ESRRB: variants seen among roughly 807,000 people sequenced by gnomAD.
ESRRB encodes the protein steroid hormone receptor ERR2.
A neutral mutation model predicts 46.0 loss-of-function variants in ESRRB; 16 were observed. The observed-to-expected ratio is 0.35, with a 90% CI of 0.24 to 0.53. The LOEUF is 0.53. Ranked by LOEUF, ESRRB falls within the 20% of genes least tolerant of loss-of-function variation. The pLI, the probability that ESRRB is intolerant of heterozygous loss-of-function variation, is 0.93. For missense variants in ESRRB, 488 were observed against 607.4 expected (o/e 0.80, Z 2.07); for synonymous variants, 246 against 259.6 (o/e 0.95, Z 0.50).
At chr14:76,466,625 T>C (rs1889121790) in intron 3 of ESRRB, among the ~76,000 whole-genome samples, 1 of 152,136 alleles carries the variant, frequency 6.6e-6, no homozygotes, top group African/African-American at 2.4e-5. Context: ...GAAAAGGTAA[T>C]TTTTCTCTTT....
chr14:76,358,326 AGAAAGAAAGAAAGAAAGAAAGAAAG>A lies in ESRRB; in HGVS notation c.2+47411_2+47435del, dbSNP rs1884412936. Among the ~76,000 whole-genome samples, 21 of 34,032 alleles carry A rather than the reference AGAAAGAAAGAAAGAAAGAAAGAAAG, an allele frequency of 6.2e-4. 5 individuals are homozygous for A. In the Middle Eastern group the frequency reaches 0.054, roughly 88 times the overall value. 22.3% of individuals were successfully genotyped at this position (34,032 alleles called of 152,430 possible). ...GACTCTGTCTCAAAAAAAAAAAAAA[AGAAAGAAAGAAAGAAAGAAAGAAAG>A]AAAGAAAGAAAGAAAGAAAGAAAGA... On this transcript the variant is annotated intron_variant, in intron 1 of 6. Coordinates refer to the ESRRB transcript ENST00000512784.
chr14:76,441,076 A>C (rs1293167112), intron 2 of ESRRB, among the ~76,000 whole-genome samples: 1 of 152,116 alleles, frequency 6.6e-6, no homozygotes. Context: ...GGGTCTTGCT[A>C]TGTTGCCCAG....
intron 1 of ESRRB, among the ~76,000 whole-genome samples, chr14:76,328,840 G>GT (rs1207107569): frequency 1.3e-5 from 2 of 152,164 alleles, no homozygotes; most frequent in Non-Finnish European, 2.9e-5. Flanking sequence ...ATGCACTGCT[G>GT]TGTCTGTCTT....
At chr14:76,381,232 A>T (rs545951930) in intron 1 of ESRRB, among the ~76,000 whole-genome samples, 81 of 152,024 alleles carry the variant, frequency 5.3e-4, no homozygotes, top group Non-Finnish European at 9.0e-4. Context: ...ATAATTGCAA[A>T]TGTAATTAGC....
At chr14:76,495,964 C>A (rs971274386) in intron 6 of ESRRB, among the ~76,000 whole-genome samples, 1 of 152,160 alleles carries the variant, frequency 6.6e-6, no homozygotes, top group African/African-American at 2.4e-5. Context: ...GGGTTTAAAG[C>A]GTGTACTTCA....
chr14:76,312,411 T>TC (rs939573696), intron 1 of ESRRB, among the ~76,000 whole-genome samples: 5 of 152,204 alleles, frequency 3.3e-5, no homozygotes, highest in Middle Eastern at 3.4e-3. Context: ...ATATCTTTAA[T>TC]CCATTCATTC....
Position 76,482,066 on chromosome 14 carries a change from C to T in ESRRB, c.628C>T (p.Leu210=). The T allele has an allele frequency of 1.2e-6, 2 of 1,614,226 alleles. No homozygotes were observed. The highest frequency in any genetic ancestry group is 8.5e-7 in the Non-Finnish European group (1 of 1,180,038). ...RGGRQKYKRR[L]DSESSPYLSL... ...AGGCCGTCAGAAATACAAGCGACGG[C>T]TGGACTCAGAGAGCAGCCCATACCT... is the stretch of plus-strand genomic sequence containing the variant. The change falls in exon 4 of 7, where the codon CTG becomes TTG. Residue 210 remains leucine, a synonymous_variant. Transcript: ENST00000644823. The surrounding 1 kb of genome is among the most constrained non-coding windows in gnomAD (Gnocchi z 4.3).
intron 1 of ESRRB, among the ~76,000 whole-genome samples, chr14:76,338,065 G>A (rs1884148699): frequency 6.6e-6 from 1 of 152,138 alleles, no homozygotes; most frequent in African/African-American, 2.4e-5. Flanking sequence ...CCTCATTAAT[G>A]ATTGGCATAT....
intron 1 of ESRRB, among the ~76,000 whole-genome samples, chr14:76,345,522 T>C (rs1328345004): frequency 6.6e-6 from 1 of 152,174 alleles, no homozygotes; most frequent in African/African-American, 2.4e-5. Context: ...AGAATGGCCG[T>C]AATCAAAAAA....
At position 76,376,561 on chromosome 14, in the gene ESRRB, T is replaced by TG; in HGVS notation, c.50+110_50+111insG. The TG allele has an allele frequency of 6.4e-6, 5 of 782,550 alleles. No individual in the cohort carries two copies. The highest frequency in any genetic ancestry group is 4.3e-4 in the Middle Eastern group (1 of 2,340). The allele number at this position is 782,550 out of a possible 1,614,324, so 48.5% of individuals were successfully genotyped here. A position where few individuals can be genotyped will look rare whatever the true frequency, so the allele number is the denominator to read the frequency against. On this transcript the variant is annotated intron_variant, in intron 1 of 6. Transcript: ENST00000644823. This position sits in a 1 kb window ranked among gnomAD's most constrained non-coding sequence, Gnocchi z 4.1. ...TTCTTGTGTAAAAGTGGAAGGGACT[T>TG]CGGGGGGGCACTTGGGGGACGAAGG...
At chr14:76,395,390 G>A (rs968310407) in intron 1 of ESRRB, among the ~76,000 whole-genome samples, 26 of 152,182 alleles carry the variant, frequency 1.7e-4, no homozygotes, top group Admixed American at 5.9e-4. Context: ...GCAGCGGGGC[G>A]TGTGGAGGAA....
chr14:76,420,587 GTGTGTGTT>G lies in ESRRB; in HGVS notation c.51-18748_51-18741del, dbSNP rs1470898976. Among the ~76,000 whole-genome samples, 1,330 of 151,218 alleles carry G rather than the reference GTGTGTGTT, an allele frequency of 8.8e-3. 11 individuals are homozygous for G. The highest frequency in any genetic ancestry group is 0.013 in the Non-Finnish European group (880 of 67,676). ...TGTGTGTGTGTGTGTGTGTGTGTGT[GTGTGTGTT>G]TGTGTATGAGAGAGAGAGAGAGAGA... On this transcript the variant is annotated intron_variant, in intron 1 of 6. Transcript: ENST00000644823.
chr14:76,492,383 T>C (rs1365568042), intron 6 of ESRRB, among the ~76,000 whole-genome samples: 3 of 152,178 alleles, frequency 2.0e-5, no homozygotes, highest in Non-Finnish European at 4.4e-5. Flanking sequence ...CCCAGGTTGG[T>C]CCCAAACTCC....
At chr14:76,443,626 T>C (rs1888010064) in intron 2 of ESRRB, among the ~76,000 whole-genome samples, 1 of 152,232 alleles carries the variant, frequency 6.6e-6, no homozygotes, top group Non-Finnish European at 1.5e-5. Flanking sequence ...GAAGAATTGC[T>C]TGTTAGAAGA....
intron 1 of ESRRB, among the ~76,000 whole-genome samples, chr14:76,331,004 TA>T (rs1444780620): frequency 6.6e-6 from 1 of 152,072 alleles, no homozygotes; most frequent in Non-Finnish European, 1.5e-5. Flanking sequence ...GTCAGTTAGG[TA>T]AGCCCTCGGT....
chr14:76,387,775 T>C (rs1885299213), intron 1 of ESRRB, among the ~76,000 whole-genome samples: 1 of 152,180 alleles, frequency 6.6e-6, no homozygotes, highest in Non-Finnish European at 1.5e-5. Flanking sequence ...AGCCACCTAA[T>C]TCTCTGGGGA....
At chr14:76,330,874 G>A (rs1884005389) in intron 1 of ESRRB, among the ~76,000 whole-genome samples, 1 of 152,116 alleles carries the variant, frequency 6.6e-6, no homozygotes, top group Admixed American at 6.5e-5. Flanking sequence ...GGCTGGCCAC[G>A]GAAAAGCTGA....
intron 2 of ESRRB, among the ~76,000 whole-genome samples, chr14:76,456,217 T>C (rs755614495): frequency 6.6e-5 from 10 of 152,182 alleles, no homozygotes; most frequent in Non-Finnish European, 1.5e-4. Flanking sequence ...AGCTTATTTC[T>C]TATCTGGATC....
At chr14:76,437,519 C>G (rs1428689564) in intron 1 of ESRRB, among the ~76,000 whole-genome samples, 1 of 152,182 alleles carries the variant, frequency 6.6e-6, no homozygotes, top group Non-Finnish European at 1.5e-5. Flanking sequence ...GTCGTCTTTC[C>G]ATTGGCAGGC....
Sources: gnomAD v4.1 joint callset for allele counts (sites outside exome capture counted in the v4.1 genomes callset) on GRCh38, gnomAD v4.1.1 for gene constraint, Gnocchi (gnomAD v3.1) non-coding constraint, MANE v1.5 for transcripts, NCBI Gene and HGNC (gene_info 2026-07-23, HGNC 2026-07-21) for gene names.